The following CACNA1H variants were observed in gnomAD, a reference collection of about 807,000 sequenced individuals.
The protein encoded by CACNA1H is voltage-dependent T-type calcium channel subunit alpha-1H.
Under a neutral mutation model 192.5 loss-of-function variants are expected in CACNA1H, and 149 were observed. That is an observed-to-expected ratio of 0.77 (90% CI 0.68 to 0.89). The LOEUF is 0.89. Ranked by LOEUF, CACNA1H falls within the 40% of genes least tolerant of loss-of-function variation. CACNA1H has a pLI of 0.00. For synonymous variants in CACNA1H, 2,202 were observed against 1,475.2 expected (o/e 1.49, Z -11.29); for missense variants, 4,257 against 3,423.5 (o/e 1.24, Z -6.08).
intron 2 of CACNA1H, chr16:1,157,082 CCTGACTCCGCGTTCGCCTGCG>C (rs1375599778): frequency 1.3e-5 from 2 of 152,208 alleles, no homozygotes; most frequent in African/African-American, 4.8e-5. Context: ...TCCCGGGGTT[CCTGACTCCGCGTTCGCCTGCG>C]ACACAGCTGC....
chr16:1,162,025 C>T (rs7206786), intron 2 of CACNA1H, among the ~76,000 whole-genome samples: 2,630 of 152,252 alleles, frequency 0.017, 57 homozygotes, highest in African/African-American at 0.045. Context: ...GTCCCTGCTC[C>T]GGACCCTGTC....
chr16:1,210,350 A>ACCCCCCCCCCC lies in CACNA1H; in HGVS notation c.3846-17_3846-16insCCCCCCCCCCC. ...TCCACGCCGCCCCGCCCCACCTCTC[A>ACCCCCCCCCCC]CCCGCCCCCGCCCACCCAGGTTCCG... On this transcript the variant is annotated intron_variant, in intron 18 of 34. Coordinates refer to ENST00000348261, the MANE Select transcript of CACNA1H (RefSeq NM_021098.3). 7 of 313,938 alleles carry ACCCCCCCCCCC rather than the reference A, an allele frequency of 2.2e-5. No homozygotes were observed. The highest frequency in any genetic ancestry group is 7.6e-5 in the South Asian group (2 of 26,200). The allele number at this position is 313,938 out of a possible 1,614,324, so 19.4% of individuals were successfully genotyped here. A position where few individuals can be genotyped will look rare whatever the true frequency, so the allele number is the denominator to read the frequency against.
chr16:1,200,251 C>G lies in CACNA1H; in HGVS notation c.804-5C>G, dbSNP rs763205220. On this transcript the variant is annotated splice_region_variant and splice_polypyrimidine_tract_variant and intron_variant, in intron 6 of 34. Transcript: ENST00000348261. ...CCTTTTGGCCCTGGCTGTGCCCATC[C>G]CCAGGAACAACAACCTGACCTTCCT... 1 of 1,591,200 alleles carries G rather than the reference C, an allele frequency of 6.3e-7. No homozygotes were observed. The highest frequency in any genetic ancestry group is 8.6e-7 in the Non-Finnish European group (1 of 1,167,868).
intron 2 of CACNA1H, among the ~76,000 whole-genome samples, chr16:1,164,196 A>C (rs1336195270): frequency 6.6e-6 from 1 of 151,620 alleles, no homozygotes; most frequent in African/African-American, 2.4e-5. Flanking sequence ...GATTTCAGTT[A>C]AGTAAGAATG....
rs1163980047 is a variant in CACNA1H, at chr16:1,218,383, T to C, written c.5619T>C (p.Asp1873=). 1 of 1,560,822 alleles carries C rather than the reference T, an allele frequency of 6.4e-7. No individual in the cohort carries two copies. The highest frequency in any genetic ancestry group is 1.9e-5 in the Admixed American group (1 of 52,020). The change falls in exon 33 of 35, where the codon GAT becomes GAC. Residue 1873 remains aspartate (D), a synonymous_variant. Coordinates refer to ENST00000348261, the MANE Select transcript of CACNA1H (RefSeq NM_021098.3). ...AGAGCAACAAGGAGGCACGGGAGGA[T>C]GCGGAGCTGGACGCCGAGATCGAGC... ...LEESNKEARE[D]AELDAEIELE... is the part of the protein sequence containing the mutation.
intron 2 of CACNA1H, among the ~76,000 whole-genome samples, chr16:1,173,017 GC>G (rs1964521660): frequency 6.6e-6 from 1 of 152,150 alleles, no homozygotes; most frequent in Non-Finnish European, 1.5e-5. Context: ...GAGTCCCAGG[GC>G]CGCAGACCTG....
At position 1,221,225 on chromosome 16, in the gene CACNA1H, C is replaced by G. The variant is rs917170228; in HGVS notation, c.*231C>G. Reference sequence around the variant, plus strand: ...TTCGGGTTTCTCCGAGTTTTGCTACCAGCCGAGGCTGTGCGGGCAACTGGG... The same window carrying G: ...TTCGGGTTTCTCCGAGTTTTGCTACGAGCCGAGGCTGTGCGGGCAACTGGG... On this transcript the variant is annotated 3_prime_UTR_variant, in exon 35 of 35. Transcript: ENST00000348261. 9.9e-6 allele frequency: 5 copies of G among 506,620 alleles called. No individual in the cohort carries two copies. Among genetic ancestry groups the G allele is most frequent in the Admixed American group, 7.2e-5 (2 of 27,712 alleles). 31.4% of individuals were successfully genotyped at this position (506,620 alleles called of 1,614,324 possible). A position where few individuals can be genotyped will look rare whatever the true frequency, so the allele number is the denominator to read the frequency against.
chr16:1,184,006 G>A (rs1183947212), intron 2 of CACNA1H, among the ~76,000 whole-genome samples: 1 of 152,208 alleles, frequency 6.6e-6, no homozygotes, highest in South Asian at 2.1e-4. Context: ...GTGCTTCATC[G>A]GATGCCAGGG....
rs1367258357 is a variant in CACNA1H at position 1,220,799 on chromosome 16, C to T, written c.6867C>T (p.Thr2289=). 37 of 1,612,754 alleles carry T rather than the reference C, an allele frequency of 2.3e-5. No individual in the cohort carries two copies. In the East Asian group the frequency reaches 7.6e-4, roughly 33 times the overall value. The change falls in exon 35 of 35, where the codon ACC becomes ACT. Residue 2289 remains threonine, a synonymous_variant. Coordinates refer to ENST00000348261, the MANE Select transcript of CACNA1H (RefSeq NM_021098.3). ...DPFLDGSHSV[T]PESRASSSGA... is the part of the protein sequence containing the mutation. ...TCTTGGACGGTAGCCACAGTGTGAC[C>T]CCAGAATCCAGAGCTTCCTCTTCAG...
intron 14 of CACNA1H, 40 bp downstream of exon 14, chr16:1,207,470 TGAG>T: frequency 1.3e-6 from 2 of 1,597,376 alleles, no homozygotes; most frequent in Non-Finnish European, 8.5e-7. Context: ...AGGAGGGCGA[TGAG>T]AAGAGAGACG....
intron 2 of CACNA1H, among the ~76,000 whole-genome samples, chr16:1,162,796 G>A (rs748599217): frequency 4.6e-5 from 7 of 152,188 alleles, no homozygotes; most frequent in African/African-American, 4.8e-5. Flanking sequence ...GGGACCATCC[G>A]CCAGGGCTGT....
intron 31 of CACNA1H, among the ~76,000 whole-genome samples, chr16:1,217,506 C>T (rs1970124638): frequency 6.6e-6 from 1 of 152,124 alleles, no homozygotes; most frequent in African/African-American, 2.4e-5. Flanking sequence ...GGTTCCACTT[C>T]AGGCAGCCCA....
At chr16:1,215,630 C>CG in intron 30 of CACNA1H, 37 bp downstream of exon 30, 1 of 1,572,622 alleles carries the variant, frequency 6.4e-7, no homozygotes, top group Non-Finnish European at 8.7e-7. Context: ...CGCAGGCCCC[C>CG]GGAAGACGGG....
chr16:1,200,840 G>T, intron 8 of CACNA1H, 32 bp downstream of exon 8: 1 of 1,520,958 alleles, frequency 6.6e-7, no homozygotes. Flanking sequence ...CGCCATGATG[G>T]GCCCTGGTGT....
At chr16:1,204,745 C>T (rs1007684291) in intron 10 of CACNA1H, among the ~76,000 whole-genome samples, 1 of 142,798 alleles carries the variant, frequency 7.0e-6, no homozygotes, top group African/African-American at 2.6e-5. Flanking sequence ...GCCAAACCTG[C>T]TCCCAGATCA....
chr16:1,219,045 C>T lies in CACNA1H; in HGVS notation c.5963C>T (p.Pro1988Leu). 2 of 1,550,090 alleles carry T rather than the reference C, an allele frequency of 1.3e-6. No individual in the cohort carries two copies. Among genetic ancestry groups the T allele is most frequent in the Non-Finnish European group, 1.7e-6 (2 of 1,146,836 alleles). Residue 1988 changes from proline (P) to leucine (L), a missense_variant, in exon 34 of 35, where the codon CCA becomes CTA. Physicochemically the swap from Pro to Leu is moderately conservative, Grantham distance 98 (BLOSUM62 -3). Transcript: ENST00000348261. ...SLQIPLAVSS[P>L]ARSGEPLHAL... Reference sequence around the variant, plus strand: ...CAGATCCCATTGGCTGTGTCGTCCCCAGCCAGGAGCGGCGAGCCCCTCCAC... The same window carrying T: ...CAGATCCCATTGGCTGTGTCGTCCCTAGCCAGGAGCGGCGAGCCCCTCCAC...
intron 2 of CACNA1H, among the ~76,000 whole-genome samples, chr16:1,189,393 T>G (rs1596364617): frequency 2.5e-5 from 3 of 118,408 alleles, no homozygotes; most frequent in African/African-American, 6.4e-5. Flanking sequence ...CCCTGAAGAG[T>G]GTCCTTTTTT....
rs781498544 is a variant in CACNA1H, at chr16:1,200,579, GC to G, written c.1119+9del. 1 of 1,611,130 alleles carries G rather than the reference GC, an allele frequency of 6.2e-7. No homozygotes were observed. Among genetic ancestry groups the G allele is most frequent in the Non-Finnish European group, 8.5e-7 (1 of 1,179,564 alleles). On this transcript the variant is annotated intron_variant, in intron 7 of 34. Coordinates refer to ENST00000348261, the MANE Select transcript of CACNA1H (RefSeq NM_021098.3). ...TGGATTGCCATCTTCCAGGTGGGCG[GC>G]AAGATGGTGGGACGGGGACCCTGGG...
chr16:1,185,500 G>GCCC (rs772704160), intron 2 of CACNA1H, among the ~76,000 whole-genome samples: 1,574 of 140,420 alleles, frequency 0.011, 62 homozygotes, highest in African/African-American at 0.041. Flanking sequence ...CATCTGCAGA[G>GCCC]TCCCCCCCCC....
Sources: gnomAD v4.1 joint callset for allele counts (sites outside exome capture counted in the v4.1 genomes callset) on GRCh38, gnomAD v4.1.1 for gene constraint, MANE v1.5 for transcripts, NCBI Gene and HGNC (gene_info 2026-07-23, HGNC 2026-07-21) for gene names.